SHANK2: variants seen among roughly 807,000 people sequenced by gnomAD.
The protein encoded by SHANK2 is SH3 and multiple ankyrin repeat domains 2.
SHANK2 carries 43 observed loss-of-function variants against 133.7 expected under a neutral mutation model. The observed-to-expected ratio is 0.32, with a 90% CI of 0.25 to 0.41. The LOEUF is 0.41. Ranked by LOEUF, SHANK2 falls within the 10% of genes least tolerant of loss-of-function variation. The pLI, the probability that SHANK2 is intolerant of heterozygous loss-of-function variation, is 1.00. For missense variants in SHANK2, 1,994 were observed against 2,235.8 expected, an observed-to-expected ratio of 0.89 and a Z score of 2.18; for synonymous variants, 1,017 against 952.8, an observed-to-expected ratio of 1.07 and a Z score of -1.24.
intron 14 of SHANK2, among the ~76,000 whole-genome samples, chr11:70,732,397 T>A (rs1565276855): frequency 1.3e-5 from 2 of 152,112 alleles, no homozygotes; most frequent in Non-Finnish European, 2.9e-5. Flanking sequence ...TGGACCAGTC[T>A]CCCCACTTCT....
intron 14 of SHANK2, among the ~76,000 whole-genome samples, chr11:70,781,558 T>TTATATATATATATATATATATATA (rs1273792106): frequency 0.064 from 1,837 of 28,596 alleles, 407 homozygotes; most frequent in Non-Finnish European, 0.08. Context: ...TACTTACTTA[T>TTATATATATATATATATATATATA]TATATATATA....
chr11:70,737,528 T>C (rs1946429873), intron 14 of SHANK2, among the ~76,000 whole-genome samples: 1 of 152,154 alleles, frequency 6.6e-6, no homozygotes. Context: ...TGCATCTCGC[T>C]CCAGACATCC....
intron 14 of SHANK2, among the ~76,000 whole-genome samples, chr11:70,781,331 C>T (rs185297033): frequency 1.3e-5 from 2 of 151,486 alleles, no homozygotes; most frequent in South Asian, 4.2e-4. Context: ...GTGTTGGAAT[C>T]GGGGTCAGGA....
At chr11:70,925,929 T>C (rs1950421395) in intron 10 of SHANK2, among the ~76,000 whole-genome samples, 1 of 152,216 alleles carries the variant, frequency 6.6e-6, no homozygotes, top group African/African-American at 2.4e-5. Context: ...AACCTAGTTT[T>C]ATGTGTACTC....
At position 70,485,557 on chromosome 11, in the gene SHANK2, G is replaced by C; in HGVS notation, c.4736C>G (p.Pro1579Arg). The C allele has an allele frequency of 1.2e-6, 2 of 1,613,066 alleles. No homozygotes were observed. Among genetic ancestry groups the C allele is most frequent in the Non-Finnish European group, 1.7e-6 (2 of 1,179,978 alleles). ...GCCCGGCGGGGGCGGGGGAGCGGGCGGGGGGATAACAAAGCTATCTACATC... is the reference window on the plus strand; with the variant it reads ...GCCCGGCGGGGGCGGGGGAGCGGGCCGGGGGATAACAAAGCTATCTACATC... ...EEDVDSFVIPPPAPPPPPGSA... is the reference protein window; with the variant it reads ...EEDVDSFVIPRPAPPPPPGSA... The change falls in exon 25 of 26, where the codon CCG becomes CGG. Residue 1579 changes from proline (P) to arginine (R), a missense_variant. Transcript: ENST00000601538. This position sits in a 1 kb window ranked among gnomAD's most constrained non-coding sequence, Gnocchi z 5.8.
At chr11:70,649,983 C>G (rs782294729) in intron 17 of SHANK2, among the ~76,000 whole-genome samples, 2 of 152,176 alleles carry the variant, frequency 1.3e-5, no homozygotes, top group Non-Finnish European at 2.9e-5. Context: ...GAGACCTGGT[C>G]AGCAAACTCT....
chr11:71,072,313 G>A (rs1005572528), intron 9 of SHANK2, among the ~76,000 whole-genome samples: 3 of 151,804 alleles, frequency 2.0e-5, no homozygotes, highest in African/African-American at 7.3e-5. Context: ...AGCCCCCCAC[G>A]CCCCTGCTTC....
At chr11:70,609,559 C>T (rs2136374296) in intron 17 of SHANK2, among the ~76,000 whole-genome samples, 1 of 152,210 alleles carries the variant, frequency 6.6e-6, no homozygotes, top group East Asian at 1.9e-4. Context: ...AGCCCCAACG[C>T]ACATCCACTG....
chr11:70,525,111 A>G (rs2135945924), intron 17 of SHANK2, among the ~76,000 whole-genome samples: 1 of 152,366 alleles, frequency 6.6e-6, no homozygotes, highest in Middle Eastern at 3.4e-3. Flanking sequence ...CGACACTTAC[A>G]GTACCCATGG....
intron 17 of SHANK2, among the ~76,000 whole-genome samples, chr11:70,540,296 A>G (rs78116418): frequency 0.017 from 2,626 of 152,262 alleles, 48 homozygotes; most frequent in East Asian, 0.1. Context: ...TCTCTGCAAG[A>G]AGGAGAACAG....
At chr11:70,552,331 G>A (rs1388185695) in intron 17 of SHANK2, among the ~76,000 whole-genome samples, 1 of 152,206 alleles carries the variant, frequency 6.6e-6, no homozygotes, top group South Asian at 2.1e-4. Flanking sequence ...AGCCTCGGGA[G>A]GTTGGGACTC....
chr11:70,931,385 C>A (rs1555082473), intron 10 of SHANK2, among the ~76,000 whole-genome samples: 1 of 152,190 alleles, frequency 6.6e-6, no homozygotes. Flanking sequence ...ATAAAGCAGT[C>A]TTTTAAAAGA....
intron 14 of SHANK2, among the ~76,000 whole-genome samples, chr11:70,720,373 G>A (rs1351624555): frequency 1.3e-5 from 2 of 152,190 alleles, no homozygotes; most frequent in African/African-American, 2.4e-5. Context: ...CACAGCCCCC[G>A]CCTGTCAATC....
At chr11:71,064,106 G>A (rs1247922977) in intron 9 of SHANK2, among the ~76,000 whole-genome samples, 9 of 152,218 alleles carry the variant, frequency 5.9e-5, no homozygotes, top group African/African-American at 2.2e-4. Context: ...GAGACAGACA[G>A]AGAAAGCCAC....
chr11:70,941,505 C>T (rs1170390857), intron 10 of SHANK2, among the ~76,000 whole-genome samples: 1 of 152,230 alleles, frequency 6.6e-6, no homozygotes, highest in Non-Finnish European at 1.5e-5. Context: ...CCTCCCAACT[C>T]TCCCAAATTC....
At chr11:70,836,972 G>A (rs1948828479) in intron 11 of SHANK2, among the ~76,000 whole-genome samples, 1 of 152,270 alleles carries the variant, frequency 6.6e-6, no homozygotes, top group Non-Finnish European at 1.5e-5. Context: ...AGAGTTGGTC[G>A]CTGTCTGTCT....
At chr11:70,747,932 T>A (rs1249341462) in intron 14 of SHANK2, among the ~76,000 whole-genome samples, 4 of 152,294 alleles carry the variant, frequency 2.6e-5, no homozygotes, top group Non-Finnish European at 5.9e-5. Flanking sequence ...CATATGTGAA[T>A]GTGTGTGTAT....
At chr11:71,215,360 C>A (rs1239994791) in intron 2 of SHANK2, among the ~76,000 whole-genome samples, 1 of 152,190 alleles carries the variant, frequency 6.6e-6, no homozygotes, top group Non-Finnish European at 1.5e-5. Context: ...GAACACGCCA[C>A]TCTGTCATCT....
At position 70,486,819 on chromosome 11, in the gene SHANK2, C is replaced by G; in HGVS notation, c.3474G>C (p.Val1158=). The G allele has an allele frequency of 1.9e-6, 3 of 1,612,550 alleles. No homozygotes were observed. The highest frequency in any genetic ancestry group is 2.5e-6 in the Non-Finnish European group (3 of 1,179,928). ...ATPREPENHF[V]GGAEASAPGE... is the part of the protein sequence containing the mutation. ...CCGGAGCACTGGCCTCGGCGCCACC[C>G]ACGAAATGGTTTTCGGGCTCCCTGG... The change falls in exon 25 of 26, where the codon GTG becomes GTC. Residue 1158 remains valine (V), a synonymous_variant. Coordinates refer to ENST00000601538, the MANE Select transcript of SHANK2 (RefSeq NM_012309.5). The surrounding 1 kb of genome is among the most constrained non-coding windows in gnomAD (Gnocchi z 8.0).
Sources: allele counts gnomAD v4.1 joint callset (sites outside exome capture counted in the v4.1 genomes callset), GRCh38; gene constraint gnomAD v4.1.1; non-coding constraint Gnocchi (gnomAD v3.1); transcripts MANE v1.5; gene names NCBI Gene and HGNC (gene_info 2026-07-23, HGNC 2026-07-21).